The following ACTR3 variants were observed in gnomAD, a reference collection of about 807,000 sequenced individuals.
ACTR3 encodes actin related protein 3.
A neutral mutation model predicts 56.8 loss-of-function variants in ACTR3; 12 were observed. The ratio of observed to expected loss-of-function variants is 0.21; its 90% CI spans 0.14 to 0.34. The LOEUF (loss-of-function observed/expected upper bound fraction) is 0.34, where lower values mean the gene tolerates loss of function less well. ACTR3 is among the 10% of genes least tolerant of loss of function. ACTR3 has a pLI of 1.00. For missense variants in ACTR3, 282 were observed against 512.5 expected, an observed-to-expected ratio of 0.55 and a Z score of 4.34; for synonymous variants, 162 against 167.4, an observed-to-expected ratio of 0.97 and a Z score of 0.25.
chr2:113,943,080 C>T (rs11887772), intron 8 of ACTR3, among the ~76,000 whole-genome samples: 45,287 of 152,070 alleles, frequency 0.3, 11,099 homozygotes, highest in African/African-American at 0.67. Context: ...CTTGCTCTTA[C>T]TGAGCTCAAA....
intron 8 of ACTR3, among the ~76,000 whole-genome samples, chr2:113,947,821 AT>A (rs1680048357): frequency 6.6e-6 from 1 of 151,906 alleles, no homozygotes; most frequent in Non-Finnish European, 1.5e-5. Flanking sequence ...ATTTTTCTTT[AT>A]TTTTTAACTT....
intron 11 of ACTR3, 73 bp downstream of exon 11, chr2:113,955,779 C>T (rs1680200526): frequency 2.4e-6 from 3 of 1,238,870 alleles, no homozygotes; most frequent in Non-Finnish European, 3.4e-6. Context: ...TGGACTTTCG[C>T]TCTTGTCACC....
chr2:113,916,659 T>A (rs1679410374), intron 2 of ACTR3, among the ~76,000 whole-genome samples: 1 of 152,200 alleles, frequency 6.6e-6, no homozygotes, highest in African/African-American at 2.4e-5. Flanking sequence ...GTTGTTTTTC[T>A]GGCTTTTTGC....
chr2:113,895,597 C>T (rs1442301876), intron 1 of ACTR3, among the ~76,000 whole-genome samples: 3 of 152,196 alleles, frequency 2.0e-5, no homozygotes, highest in African/African-American at 7.2e-5. Flanking sequence ...GCTAACTTTG[C>T]AGAAATTCTG....
intron 1 of ACTR3, among the ~76,000 whole-genome samples, chr2:113,899,897 T>C (rs551473008): frequency 6.6e-6 from 1 of 152,334 alleles, no homozygotes; most frequent in South Asian, 2.1e-4. Flanking sequence ...TGTTGGGAGC[T>C]GTGGGACAGC....
intron 6 of ACTR3, among the ~76,000 whole-genome samples, chr2:113,935,651 G>C (rs1290599287): frequency 1.3e-5 from 2 of 152,112 alleles, no homozygotes; most frequent in Non-Finnish European, 2.9e-5. Context: ...GCATTTGATA[G>C]CTTTTTTTAG....
intron 8 of ACTR3, among the ~76,000 whole-genome samples, chr2:113,947,195 A>G (rs955162322): frequency 9.2e-5 from 14 of 152,242 alleles, no homozygotes; most frequent in African/African-American, 3.4e-4. Context: ...TAAAGCTCCA[A>G]GTTGGGGACA....
At chr2:113,929,404 G>A (rs949634519) in intron 4 of ACTR3, among the ~76,000 whole-genome samples, 12 of 152,008 alleles carry the variant, frequency 7.9e-5, no homozygotes, top group Admixed American at 7.2e-4. Flanking sequence ...GCCTCTCAAA[G>A]TGCTGCCACC....
At chr2:113,898,827 G>A (rs1163077827) in intron 1 of ACTR3, among the ~76,000 whole-genome samples, 4 of 152,102 alleles carry the variant, frequency 2.6e-5, no homozygotes, top group Admixed American at 6.5e-5. Context: ...CCCTTTGCAC[G>A]TTTTGTTTTG....
At chr2:113,952,002 T>C (rs2104629309) in intron 10 of ACTR3, 157 bp downstream of exon 10, 3 of 949,828 alleles carry the variant, frequency 3.2e-6, no homozygotes, top group Non-Finnish European at 4.6e-6. Context: ...GTCTGTGATA[T>C]TCTGGATCAT....
intron 1 of ACTR3, among the ~76,000 whole-genome samples, chr2:113,909,751 G>A (rs1039739806): frequency 3.3e-5 from 5 of 151,892 alleles, no homozygotes; most frequent in Non-Finnish European, 7.4e-5. Flanking sequence ...ATGTAAGCAA[G>A]TGATAGCAGA....
chr2:113,902,858 C>T (rs1679127332), intron 1 of ACTR3, among the ~76,000 whole-genome samples: 1 of 152,180 alleles, frequency 6.6e-6, no homozygotes, highest in African/African-American at 2.4e-5. Flanking sequence ...CTGGGCCTCC[C>T]AAAGTGCTGG....
intron 3 of ACTR3, among the ~76,000 whole-genome samples, chr2:113,920,821 A>T (rs1168874106): frequency 6.6e-6 from 1 of 151,956 alleles, no homozygotes; most frequent in Non-Finnish European, 1.5e-5. Flanking sequence ...ACAGGATTTC[A>T]CTCTTTTTTT....
intron 5 of ACTR3, among the ~76,000 whole-genome samples, chr2:113,932,722 T>C (rs1273338541): frequency 1.3e-5 from 2 of 152,204 alleles, no homozygotes; most frequent in East Asian, 3.8e-4. Flanking sequence ...AACTTACTTA[T>C]AGAGGAAGGA....
intron 10 of ACTR3, chr2:113,954,583 T>G (rs1389007097): frequency 6.7e-6 from 1 of 148,702 alleles, no homozygotes; most frequent in African/African-American, 2.5e-5. Context: ...AATCCCACAT[T>G]TTTTTTTTTT....
At position 113,939,985 on chromosome 2, in the gene ACTR3, T is replaced by C; in HGVS notation, c.567T>C (p.Cys189=). ...PVAEGYVIGS[C]IKHIPIAGRD... Reference sequence around the variant, plus strand: ...CTGAAGGGTATGTGATTGGCAGCTGTATTAAACACATTCCAATCGCAGGAC... The same window carrying C: ...CTGAAGGGTATGTGATTGGCAGCTGCATTAAACACATTCCAATCGCAGGAC... The change falls in exon 7 of 12, where the codon TGT becomes TGC. Residue 189 remains cysteine (C), a synonymous_variant. Transcript: ENST00000263238. 1 of 1,612,950 alleles carries C rather than the reference T, an allele frequency of 6.2e-7. No individual in the cohort carries two copies. Among genetic ancestry groups the C allele is most frequent in the Non-Finnish European group, 8.5e-7 (1 of 1,179,270 alleles).
Position 113,960,432 on chromosome 2 carries a change from G to T in ACTR3, c.*2977G>T, listed in dbSNP as rs574689856. The T allele has an allele frequency of 1.3e-5, 2 of 151,992 alleles. No individual in the cohort carries two copies. The highest frequency in any genetic ancestry group is 2.9e-5 in the Non-Finnish European group (2 of 67,878). The allele number at this position is 151,992 out of a possible 1,614,324, so 9.4% of individuals were successfully genotyped here. A position where few individuals can be genotyped will look rare whatever the true frequency, so the allele number is the denominator to read the frequency against. On this transcript the variant is annotated 3_prime_UTR_variant, in exon 12 of 12. Coordinates refer to ENST00000263238, the MANE Select transcript of ACTR3 (RefSeq NM_005721.5). ...CTAGGAATATTTTTAGAAATAATAT[G>T]AAATACAGGGATAATAGGCCAATTA... is the stretch of plus-strand genomic sequence containing the variant.
chr2:113,909,012 C>T (rs1015770277), intron 1 of ACTR3, among the ~76,000 whole-genome samples: 10 of 152,058 alleles, frequency 6.6e-5, no homozygotes, highest in African/African-American at 2.4e-4. Flanking sequence ...TGATTATTAT[C>T]AAATGCTGTA....
intron 8 of ACTR3, 111 bp downstream of exon 8, chr2:113,942,470 GTTT>G (rs149702132): frequency 2.2e-4 from 159 of 724,814 alleles, no homozygotes; most frequent in African/African-American, 1.8e-3. Context: ...AAAAGTTTGA[GTTT>G]TTATGAAAAG....
Sources: gnomAD v4.1 joint callset for allele counts (sites outside exome capture counted in the v4.1 genomes callset) on GRCh38, gnomAD v4.1.1 for gene constraint, MANE v1.5 for transcripts, NCBI Gene and HGNC (gene_info 2026-07-23, HGNC 2026-07-21) for gene names.